The following CNTNAP2 variants were observed in gnomAD, a reference collection of about 807,000 sequenced individuals.
CNTNAP2 encodes the protein contactin-associated protein-like 2.
In CNTNAP2, 98 loss-of-function variants were observed where a neutral mutation model predicts 155.2. That is an observed-to-expected ratio of 0.63 (90% CI 0.54 to 0.75). The LOEUF (loss-of-function observed/expected upper bound fraction) is 0.75. CNTNAP2 is among the 30% of genes least tolerant of loss of function. The probability of loss-of-function intolerance (pLI) is 0.00; values close to 1 mark genes in which losing one functional copy is unlikely to be tolerated. For missense variants in CNTNAP2, 1,727 were observed against 1,688.1 expected (o/e 1.02, Z -0.40); for synonymous variants, 651 against 631.2 (o/e 1.03, Z -0.47).
intron 1 of CNTNAP2, among the ~76,000 whole-genome samples, chr7:146,548,750 T>A (rs189808684): frequency 1.3e-5 from 2 of 151,290 alleles, no homozygotes; most frequent in African/African-American, 4.8e-5. Context: ...TTTTGGAAAT[T>A]AATCCCTTAT....
chr7:147,738,429 C>T (rs1221715851), intron 13 of CNTNAP2, among the ~76,000 whole-genome samples: 1 of 152,092 alleles, frequency 6.6e-6, no homozygotes, highest in Non-Finnish European at 1.5e-5. Context: ...TAAGACACTG[C>T]CATGGCCACC....
intron 3 of CNTNAP2, among the ~76,000 whole-genome samples, chr7:146,905,901 T>C (rs1022993473): frequency 8.5e-5 from 13 of 152,134 alleles, no homozygotes; most frequent in African/African-American, 3.1e-4. Flanking sequence ...TTCATCTCAC[T>C]AGGGAGTGCC....
At chr7:148,105,288 TGA>T (rs1340968959) in intron 15 of CNTNAP2, among the ~76,000 whole-genome samples, 2 of 152,000 alleles carry the variant, frequency 1.3e-5, no homozygotes, top group Non-Finnish European at 2.9e-5. Flanking sequence ...GTATATGAAC[TGA>T]GAGAGAGAAG....
intron 1 of CNTNAP2, among the ~76,000 whole-genome samples, chr7:146,662,118 A>G (rs1800100247): frequency 6.6e-6 from 1 of 151,368 alleles, no homozygotes; most frequent in Non-Finnish European, 1.5e-5. Context: ...TCTTTGGGGA[A>G]GACAGTTCAG....
chr7:146,449,731 T>C (rs1639470), intron 1 of CNTNAP2, among the ~76,000 whole-genome samples: 65,385 of 151,970 alleles, frequency 0.43, 16,993 homozygotes, highest in African/African-American at 0.73. Flanking sequence ...GCATATTTCA[T>C]GAATGCCCCT....
At chr7:146,602,653 A>C (rs926788266) in intron 1 of CNTNAP2, among the ~76,000 whole-genome samples, 5 of 152,224 alleles carry the variant, frequency 3.3e-5, no homozygotes, top group Non-Finnish European at 5.9e-5. Context: ...GTTAAAATTA[A>C]ATTTTTTACT....
At chr7:148,357,221 G>A (rs1385596061) in intron 21 of CNTNAP2, among the ~76,000 whole-genome samples, 3 of 152,112 alleles carry the variant, frequency 2.0e-5, no homozygotes, top group Non-Finnish European at 4.4e-5. Flanking sequence ...AGATCTGATG[G>A]TTTTATAAAG....
intron 2 of CNTNAP2, among the ~76,000 whole-genome samples, chr7:146,813,385 A>T (rs1803104493): frequency 6.6e-6 from 1 of 152,202 alleles, no homozygotes; most frequent in Non-Finnish European, 1.5e-5. Flanking sequence ...CCTAGATGTG[A>T]GACATGGAGT....
At chr7:147,316,510 G>A (rs894668769) in intron 9 of CNTNAP2, among the ~76,000 whole-genome samples, 11 of 152,090 alleles carry the variant, frequency 7.2e-5, no homozygotes, top group South Asian at 4.1e-4. Context: ...TTTATAATGT[G>A]TGTTTATTAA....
At chr7:146,818,710 C>A (rs1016155097) in intron 2 of CNTNAP2, among the ~76,000 whole-genome samples, 1 of 151,842 alleles carries the variant, frequency 6.6e-6, no homozygotes, top group African/African-American at 2.4e-5. Flanking sequence ...TGACATGTGA[C>A]CACTAAATGA....
At chr7:146,997,889 G>T (rs1798342587) in intron 3 of CNTNAP2, among the ~76,000 whole-genome samples, 1 of 151,984 alleles carries the variant, frequency 6.6e-6, no homozygotes, top group South Asian at 2.1e-4. Flanking sequence ...GGCATTGGTT[G>T]TAATGTCTGC....
intron 14 of CNTNAP2, among the ~76,000 whole-genome samples, chr7:147,948,318 T>C (rs908376846): frequency 1.1e-4 from 17 of 151,814 alleles, no homozygotes; most frequent in Non-Finnish European, 1.9e-4. Context: ...TGTGATTGGA[T>C]TGTTTGTAAC....
chr7:147,248,527 G>A (rs1196750487), intron 8 of CNTNAP2, among the ~76,000 whole-genome samples: 1 of 152,160 alleles, frequency 6.6e-6, no homozygotes, highest in African/African-American at 2.4e-5. Flanking sequence ...GTAACAAAAG[G>A]GTTTGATGAG....
intron 9 of CNTNAP2, among the ~76,000 whole-genome samples, chr7:147,359,608 T>C (rs1160915295): frequency 2.6e-5 from 4 of 152,174 alleles, no homozygotes; most frequent in Middle Eastern, 3.2e-3. Context: ...TTCTCCTTCA[T>C]TGCCTCTGCT....
intron 10 of CNTNAP2, among the ~76,000 whole-genome samples, chr7:147,411,231 A>C (rs1797097367): frequency 6.6e-6 from 1 of 152,116 alleles, no homozygotes; most frequent in Non-Finnish European, 1.5e-5. Context: ...TTCATTAAAA[A>C]TAAAATAAGA....
At chr7:147,199,643 T>A (rs933593981) in intron 8 of CNTNAP2, among the ~76,000 whole-genome samples, 5 of 152,052 alleles carry the variant, frequency 3.3e-5, no homozygotes, top group Non-Finnish European at 7.4e-5. Context: ...TTGTTGTTGT[T>A]TTTTATTGCT....
chr7:147,521,886 A>G (rs1308038989), intron 11 of CNTNAP2, among the ~76,000 whole-genome samples: 1 of 152,174 alleles, frequency 6.6e-6, no homozygotes, highest in Non-Finnish European at 1.5e-5. Flanking sequence ...TGCAGAACTG[A>G]GAGAGTGGTT....
At chr7:147,500,763 A>G (rs772112197) in intron 11 of CNTNAP2, among the ~76,000 whole-genome samples, 2 of 152,200 alleles carry the variant, frequency 1.3e-5, no homozygotes, top group Non-Finnish European at 2.9e-5. Flanking sequence ...ATTCTTTTCA[A>G]TTCTCAATAA....
chr7:148,363,706 T>C (rs1293449774), intron 21 of CNTNAP2, among the ~76,000 whole-genome samples: 1 of 152,112 alleles, frequency 6.6e-6, no homozygotes, highest in African/African-American at 2.4e-5. Flanking sequence ...GCCTGGGCTC[T>C]CACTTTGGTG....
Sources: gnomAD v4.1 joint callset for allele counts (sites outside exome capture counted in the v4.1 genomes callset) on GRCh38, gnomAD v4.1.1 for gene constraint, MANE v1.5 for transcripts, NCBI Gene and HGNC (gene_info 2026-07-23, HGNC 2026-07-21) for gene names.